LRRC4C: variants seen among roughly 807,000 people sequenced by gnomAD.
LRRC4C encodes the protein leucine rich repeat containing 4C, also known as leucine-rich repeat-containing protein 4C.
In LRRC4C, 5 loss-of-function variants were observed where a neutral mutation model predicts 33.6. That is an observed-to-expected ratio of 0.15 (90% CI 0.08 to 0.31). The LOEUF (loss-of-function observed/expected upper bound fraction) is 0.31. LRRC4C is among the 10% of genes least tolerant of loss of function. The probability of loss-of-function intolerance (pLI) is 1.00; values close to 1 mark genes in which losing one functional copy is unlikely to be tolerated. For missense variants in LRRC4C, 560 were observed against 796.7 expected (o/e 0.70, Z 3.58); for synonymous variants, 329 against 302.0 (o/e 1.09, Z -0.93).
In LRRC4C at chr11:40,411,243, C is replaced by T. The variant is rs1045670511; in HGVS notation, c.-269-91522G>A. On this transcript the variant is annotated intron_variant, in intron 3 of 6. Transcript: ENST00000528697. ...AACAAAATGTGTGGCAAAATTGTTACTGGAAAAACGCAAAGTCACATATGC... is the reference window on the plus strand; with the variant it reads ...AACAAAATGTGTGGCAAAATTGTTATTGGAAAAACGCAAAGTCACATATGC... Among the ~76,000 whole-genome samples the T allele has an allele frequency of 1.3e-4, 20 of 152,140 alleles. No individual in the cohort carries two copies. In the East Asian group the frequency reaches 3.9e-3, roughly 29 times the overall value.
chr11:40,185,045 CTG>C (rs1301664092), intron 5 of LRRC4C, among the ~76,000 whole-genome samples: 2 of 152,300 alleles, frequency 1.3e-5, no homozygotes, highest in African/African-American at 4.8e-5. Flanking sequence ...CAGTAAGAAT[CTG>C]TTATCAGCTA....
intron 5 of LRRC4C, among the ~76,000 whole-genome samples, chr11:40,209,506 C>A (rs144205273): frequency 2.4e-4 from 37 of 152,226 alleles, no homozygotes; most frequent in African/African-American, 7.7e-4. Flanking sequence ...CAAACATTAG[C>A]CTCTTTTTTG....
At position 40,184,607 on chromosome 11, in the gene LRRC4C, G is replaced by A. The variant is rs540993115; in HGVS notation, c.-95-43754C>T. ...GTCATTGAATTTCTAACAGTACTCC[G>A]AGTGGCGAAGTCTATGAAATCAAAT... On this transcript the variant is annotated intron_variant, in intron 5 of 6. Transcript: ENST00000528697. Among the ~76,000 whole-genome samples, 32 of 152,242 alleles carry A rather than the reference G, an allele frequency of 2.1e-4. No individual in the cohort carries two copies. In the South Asian group the frequency reaches 5.4e-3, roughly 26 times the overall value.
At chr11:40,535,574 A>G (rs988148588) in intron 3 of LRRC4C, among the ~76,000 whole-genome samples, 3 of 152,244 alleles carry the variant, frequency 2.0e-5, no homozygotes, top group Admixed American at 2.0e-4. Flanking sequence ...AGATGCCAAC[A>G]AAGTTATTTG....
At chr11:40,806,214 T>C (rs1951241668) in intron 2 of LRRC4C, among the ~76,000 whole-genome samples, 1 of 152,226 alleles carries the variant, frequency 6.6e-6, no homozygotes, top group South Asian at 2.1e-4. Flanking sequence ...TAGAATTATC[T>C]GAAGGATTAT....
chr11:41,092,555 T>C (rs1940502809), intron 1 of LRRC4C, among the ~76,000 whole-genome samples: 1 of 152,214 alleles, frequency 6.6e-6, no homozygotes, highest in South Asian at 2.1e-4. Context: ...CTAGGCATTC[T>C]CTTGAGCCAG....
chr11:40,566,338 G>T (rs1957768197), intron 3 of LRRC4C, among the ~76,000 whole-genome samples: 1 of 151,788 alleles, frequency 6.6e-6, no homozygotes, highest in South Asian at 2.1e-4. Flanking sequence ...CTCCTCGAAA[G>T]TCAAAATTTT....
At chr11:40,908,919 G>T (rs762510411) in intron 2 of LRRC4C, among the ~76,000 whole-genome samples, 11 of 152,072 alleles carry the variant, frequency 7.2e-5, no homozygotes, top group Non-Finnish European at 8.8e-5. Flanking sequence ...GGGTATTACG[G>T]GTGCATTACC....
At chr11:40,149,677 C>G (rs1302534960) in intron 5 of LRRC4C, among the ~76,000 whole-genome samples, 1 of 151,844 alleles carries the variant, frequency 6.6e-6, no homozygotes, top group Non-Finnish European at 1.5e-5. Flanking sequence ...TCTGGTAAGG[C>G]CCCTCTGAAA....
chr11:40,526,823 G>T lies in LRRC4C; in HGVS notation c.-270+121319C>A, dbSNP rs115338205. Reference sequence around the variant, plus strand: ...CAGTAAAGAGCATTTTAAAAATGTGGTGTATTCATATAATGAATACAGTAA... The same window carrying T: ...CAGTAAAGAGCATTTTAAAAATGTGTTGTATTCATATAATGAATACAGTAA... On this transcript the variant is annotated intron_variant, in intron 3 of 6. Coordinates refer to ENST00000528697, the MANE Select transcript of LRRC4C (RefSeq NM_001258419.2). Among the ~76,000 whole-genome samples the T allele has an allele frequency of 8.9e-3, 1,360 of 152,218 alleles. 12 individuals carry two copies. Among genetic ancestry groups the T allele is most frequent in the African/African-American group, 0.031 (1,274 of 41,530 alleles).
At chr11:41,071,338 G>A (rs1231706991) in intron 1 of LRRC4C, among the ~76,000 whole-genome samples, 1 of 152,038 alleles carries the variant, frequency 6.6e-6, no homozygotes, top group African/African-American at 2.4e-5. Context: ...GATAGGTGCA[G>A]CAAACCACCA....
At chr11:40,183,258 C>T (rs1313940026) in intron 5 of LRRC4C, among the ~76,000 whole-genome samples, 1 of 152,042 alleles carries the variant, frequency 6.6e-6, no homozygotes, top group Non-Finnish European at 1.5e-5. Context: ...ATCAGATAAG[C>T]TTCGGGCCAC....
rs1867553838 is a variant in LRRC4C at position 40,259,914 on chromosome 11, G to C, written c.-175-18316C>G. 2.0e-5 allele frequency among the ~76,000 whole-genome samples: 3 copies of C among 151,556 alleles called. No individual in the cohort carries two copies. In the South Asian group the frequency reaches 6.3e-4, roughly 32 times the overall value. ...AAAAGTCAGGAAACAACAGGTGCTG[G>C]AGAGGATGTGGAGAAATAGGAACAC... On this transcript the variant is annotated intron_variant, in intron 4 of 6. Transcript: ENST00000528697.
chr11:40,659,382 T>C (rs1405539585), intron 2 of LRRC4C, among the ~76,000 whole-genome samples: 2 of 151,530 alleles, frequency 1.3e-5, no homozygotes, highest in Non-Finnish European at 2.9e-5. Context: ...AAGGAGGGGG[T>C]CCCTGGTGAA....
chr11:40,397,632 G>A lies in LRRC4C; in HGVS notation c.-269-77911C>T, dbSNP rs576335957. ...ATGTTTTATACAGAAAATTCCTAAG[G>A]ACAGAGAGTTGGGAGAAACTGCTGT... On this transcript the variant is annotated intron_variant, in intron 3 of 6. Coordinates refer to ENST00000528697, the MANE Select transcript of LRRC4C (RefSeq NM_001258419.2). Among the ~76,000 whole-genome samples the A allele has an allele frequency of 8.5e-5, 13 of 152,158 alleles. 1 individual carries two copies. In the East Asian group the frequency reaches 2.5e-3, roughly 29 times the overall value.
intron 3 of LRRC4C, among the ~76,000 whole-genome samples, chr11:40,484,023 T>C (rs528240141): frequency 6.6e-6 from 1 of 152,084 alleles, no homozygotes; most frequent in Non-Finnish European, 1.5e-5. Context: ...TGATATACCA[T>C]GCCACATCTA....
chr11:41,373,633 AGG>A (rs1213517870), intron 1 of LRRC4C, among the ~76,000 whole-genome samples: 4 of 152,288 alleles, frequency 2.6e-5, no homozygotes, highest in African/African-American at 9.6e-5. Flanking sequence ...ACTTGAATCC[AGG>A]CATGCAAATG....
chr11:40,874,253 A>G (rs746279340), intron 2 of LRRC4C, among the ~76,000 whole-genome samples: 84 of 152,204 alleles, frequency 5.5e-4, no homozygotes, highest in Non-Finnish European at 1.5e-4. Flanking sequence ...ATCAAGATGT[A>G]TAGGGTTTCT....
chr11:40,116,361 A>G, intron 6 of LRRC4C, 27 bp from the exon 7 acceptor site: 6 of 1,514,786 alleles, frequency 4.0e-6, no homozygotes, highest in Non-Finnish European at 2.6e-6. Flanking sequence ...AAAAAAACCA[A>G]TTATTAGATT....
Sources: allele counts gnomAD v4.1 joint callset (sites outside exome capture counted in the v4.1 genomes callset), GRCh38; gene constraint gnomAD v4.1.1; transcripts MANE v1.5; gene names NCBI Gene and HGNC (gene_info 2026-07-23, HGNC 2026-07-21).